DDHD1: variants seen among roughly 807,000 people sequenced by gnomAD.
DDHD1 encodes the protein phospholipase DDHD1.
DDHD1 carries 49 observed loss-of-function variants against 96.4 expected under a neutral mutation model. The ratio of observed to expected loss-of-function variants is 0.51; its 90% CI spans 0.40 to 0.64. The LOEUF (loss-of-function observed/expected upper bound fraction) is 0.64. Ranked by LOEUF, DDHD1 falls within the 30% of genes least tolerant of loss-of-function variation. The pLI is 0.00. For missense variants in DDHD1, 1,106 were observed against 1,161.2 expected (o/e 0.95, Z 0.69); for synonymous variants, 442 against 446.5 (o/e 0.99, Z 0.13).
rs1427697368 is a variant in DDHD1 at position 53,042,227 on chromosome 14, A to G, written c.*4541T>C. On this transcript the variant is annotated 3_prime_UTR_variant, in exon 13 of 13. Coordinates refer to ENST00000673822, the MANE Select transcript of DDHD1 (RefSeq NM_001160148.2). The stretch of plus-strand genomic sequence containing the variant: ...ATTCACAGAGCATTTAGTGTAGCAA[A>G]GGCTCTCAAAGCCCTGCTGTAAGGG... 6.6e-6 allele frequency: 1 copy of G among 152,224 alleles called. No individual in the cohort carries two copies. The highest frequency in any genetic ancestry group is 2.4e-5 in the African/African-American group (1 of 41,462). The allele number at this position is 152,224 out of a possible 1,614,324, so 9.4% of individuals were successfully genotyped here.
rs1200204480 is a variant in DDHD1, at chr14:53,057,872, CAG to C, written c.1992+603_1992+604del. Among the ~76,000 whole-genome samples the C allele has an allele frequency of 3.9e-5, 6 of 152,226 alleles. No homozygotes were observed. The South Asian group carries it at 8.3e-4, about 21-fold the overall frequency. On this transcript the variant is annotated intron_variant, in intron 9 of 12. Transcript: ENST00000673822. ...TAGACAGATTTTTACTTTTTGGAGACAGAGTCTCGCTCTATTGCCCAGGCTGG... is the reference window on the plus strand; with the variant it reads ...TAGACAGATTTTTACTTTTTGGAGACAGTCTCGCTCTATTGCCCAGGCTGG...
chr14:53,093,148 C>A (rs140802667), intron 3 of DDHD1, 168 bp downstream of exon 3: 324 of 509,752 alleles, frequency 6.4e-4, no homozygotes, highest in African/African-American at 6.2e-3. Context: ...TTGATGAACA[C>A]ATGTCAACTC....
chr14:53,046,094 C>T lies in DDHD1; in HGVS notation c.*674G>A, dbSNP rs2139802762. 1 of 151,942 alleles carries T rather than the reference C, an allele frequency of 6.6e-6. No homozygotes were observed. Among genetic ancestry groups the T allele is most frequent in the South Asian group, 2.1e-4 (1 of 4,810 alleles). 9.4% of individuals were successfully genotyped at this position (151,942 alleles called of 1,614,324 possible). On this transcript the variant is annotated 3_prime_UTR_variant, in exon 13 of 13. Coordinates refer to ENST00000673822, the MANE Select transcript of DDHD1 (RefSeq NM_001160148.2). ...TGTCTATATATTCATCTGAAGAGTA[C>T]AAAGATGGAGTTCTGAGAAAAAAGG...
chr14:53,152,814 C>T lies in DDHD1; in HGVS notation c.285G>A (p.Glu95=). Residue 95 remains glutamate, a synonymous_variant, in exon 1 of 13, where the codon GAG becomes GAA. Transcript: ENST00000673822. ...TGTAGTAGCGCAGCGAGGAGCCCGACTCGGCGGAGCTGAAGTCATAGTTCT... is the reference window on the plus strand; with the variant it reads ...TGTAGTAGCGCAGCGAGGAGCCCGATTCGGCGGAGCTGAAGTCATAGTTCT... ...SDENYDFSSA[E]SGSSLRYYSE... 2.5e-6 allele frequency: 4 copies of T among 1,610,684 alleles called. No individual in the cohort carries two copies. The East Asian group carries it at 6.7e-5, about 27-fold the overall frequency.
rs761258559 is a variant in DDHD1, at chr14:53,093,451, CA to C, written c.1013-8del. 3.7e-6 allele frequency: 6 copies of C among 1,602,162 alleles called. No individual in the cohort carries two copies. In the African/African-American group the frequency reaches 5.4e-5, roughly 14 times the overall value. On this transcript the variant is annotated splice_region_variant and splice_polypyrimidine_tract_variant and intron_variant, in intron 2 of 12. Transcript: ENST00000673822. Reference sequence around the variant, plus strand: ...AACTTGAAACTATGAACAGCTATTGCAAAAAGGAAAAGCTAATTTGAAGGTC... The same window carrying C: ...AACTTGAAACTATGAACAGCTATTGCAAAAGGAAAAGCTAATTTGAAGGTC...
intron 1 of DDHD1, among the ~76,000 whole-genome samples, chr14:53,104,308 CTTATA>C (rs1887529609): frequency 6.6e-6 from 1 of 152,164 alleles, no homozygotes; most frequent in Non-Finnish European, 1.5e-5. Context: ...CATACTTTTA[CTTATA>C]TTAAATTATT....
At chr14:53,113,134 ATTT>A (rs78231425) in intron 1 of DDHD1, among the ~76,000 whole-genome samples, 1 of 141,216 alleles carries the variant, frequency 7.1e-6, no homozygotes, top group African/African-American at 2.6e-5. Flanking sequence ...TAACTTTTCT[ATTT>A]TTTTTTTTTA....
intron 6 of DDHD1, among the ~76,000 whole-genome samples, chr14:53,064,904 C>T (rs149788406): frequency 1.3e-3 from 191 of 152,216 alleles, no homozygotes; most frequent in African/African-American, 2.1e-3. Flanking sequence ...TTGTATCCAA[C>T]GAGTTTACTC....
At chr14:53,053,743 G>A (rs770408961) in intron 11 of DDHD1, 7 of 152,016 alleles carry the variant, frequency 4.6e-5, no homozygotes, top group Non-Finnish European at 1.0e-4. Context: ...AGGACTTGAC[G>A]TTTTAGTTTT....
In DDHD1 at chr14:53,043,986, G is replaced by A. The variant is rs1016080389; in HGVS notation, c.*2782C>T. ...ACAAAATAGAGAATAAAATTTTAATGGTATCAAAAACAAAACTTTTTTTGG... is the reference window on the plus strand; with the variant it reads ...ACAAAATAGAGAATAAAATTTTAATAGTATCAAAAACAAAACTTTTTTTGG... On this transcript the variant is annotated 3_prime_UTR_variant, in exon 13 of 13. Transcript: ENST00000673822. 6.6e-6 allele frequency: 1 copy of A among 152,096 alleles called. No homozygotes were observed. The highest frequency in any genetic ancestry group is 2.4e-5 in the African/African-American group (1 of 41,420). 9.4% of individuals were successfully genotyped at this position (152,096 alleles called of 1,614,324 possible).
At position 53,039,696 on chromosome 14, in the gene DDHD1, T is replaced by C. The variant is rs1292717861; in HGVS notation, c.*7072A>G. 6.6e-6 allele frequency: 1 copy of C among 152,358 alleles called. No individual in the cohort carries two copies. Among genetic ancestry groups the C allele is most frequent in the Non-Finnish European group, 1.5e-5 (1 of 68,070 alleles). The allele number at this position is 152,358 out of a possible 1,614,324, so 9.4% of individuals were successfully genotyped here. ...AGTTTGCTGTAACAAAAATATAGTT[T>C]GATTGTTGAAGGTAGGCAGTGGAGA... is the stretch of plus-strand genomic sequence containing the variant. On this transcript the variant is annotated 3_prime_UTR_variant, in exon 13 of 13. Coordinates refer to ENST00000673822, the MANE Select transcript of DDHD1 (RefSeq NM_001160148.2).
chr14:53,083,825 T>C (rs1401920401), intron 4 of DDHD1, among the ~76,000 whole-genome samples: 1 of 152,200 alleles, frequency 6.6e-6, no homozygotes, highest in Non-Finnish European at 1.5e-5. Context: ...ATATTTTCCA[T>C]TGATTACTAA....
At chr14:53,096,966 C>T (rs1238013277) in intron 2 of DDHD1, among the ~76,000 whole-genome samples, 2 of 151,932 alleles carry the variant, frequency 1.3e-5, no homozygotes, top group African/African-American at 4.8e-5. Context: ...TTTGGCAAAT[C>T]AGTAGATAAC....
At chr14:53,144,799 T>A (rs1206065744) in intron 1 of DDHD1, among the ~76,000 whole-genome samples, 1 of 152,242 alleles carries the variant, frequency 6.6e-6, no homozygotes, top group Non-Finnish European at 1.5e-5. Context: ...TTTAACTAAA[T>A]GTCTACACTA....
chr14:53,124,838 T>C (rs886489908), intron 1 of DDHD1, among the ~76,000 whole-genome samples: 2 of 152,196 alleles, frequency 1.3e-5, no homozygotes. Flanking sequence ...CAACAGTAAT[T>C]TATTATCTCA....
chr14:53,091,241 G>T (rs905920927), intron 4 of DDHD1, among the ~76,000 whole-genome samples: 4 of 152,102 alleles, frequency 2.6e-5, no homozygotes, highest in African/African-American at 9.7e-5. Flanking sequence ...ATACCCCTAA[G>T]ACATCTTAAA....
At chr14:53,107,722 C>T (rs1012992075) in intron 1 of DDHD1, among the ~76,000 whole-genome samples, 13 of 152,064 alleles carry the variant, frequency 8.5e-5, no homozygotes, top group Admixed American at 3.3e-4. Flanking sequence ...ACCCGGGAGG[C>T]GGAGGTTGCA....
chr14:53,094,355 A>G (rs1251883652), intron 2 of DDHD1, among the ~76,000 whole-genome samples: 3 of 152,210 alleles, frequency 2.0e-5, no homozygotes, highest in Non-Finnish European at 4.4e-5. Context: ...CAAAATTGAA[A>G]GATATTTTAG....
intron 1 of DDHD1, among the ~76,000 whole-genome samples, chr14:53,144,285 T>C (rs953595020): frequency 2.0e-5 from 3 of 152,218 alleles, no homozygotes; most frequent in Non-Finnish European, 1.5e-5. Context: ...AGAAGCATAA[T>C]AGTGATTGGC....
Sources: gnomAD v4.1 joint callset for allele counts (sites outside exome capture counted in the v4.1 genomes callset) on GRCh38, gnomAD v4.1.1 for gene constraint, MANE v1.5 for transcripts, NCBI Gene and HGNC (gene_info 2026-07-23, HGNC 2026-07-21) for gene names.